The following PIK3AP1 variants were observed in gnomAD, a reference collection of about 807,000 sequenced individuals.
The protein encoded by PIK3AP1 is phosphoinositide-3-kinase adaptor protein 1.
PIK3AP1 carries 21 observed loss-of-function variants against 88.1 expected under a neutral mutation model. The ratio of observed to expected loss-of-function variants is 0.24; its 90% confidence interval spans 0.17 to 0.34. The LOEUF is 0.34. PIK3AP1 is among the 10% of genes least tolerant of loss of function. The probability of loss-of-function intolerance (pLI) is 1.00; values close to 1 mark genes in which losing one functional copy is unlikely to be tolerated. For synonymous variants in PIK3AP1, 398 were observed against 400.0 expected, an observed-to-expected ratio of 1.00 and a Z score of 0.06; for missense variants, 828 against 1,035.7, an observed-to-expected ratio of 0.80 and a Z score of 2.75.
At chr10:96,616,982 T>C (rs561511745) in intron 12 of PIK3AP1, among the ~76,000 whole-genome samples, 21 of 152,302 alleles carry the variant, frequency 1.4e-4, no homozygotes, top group Non-Finnish European at 2.4e-4. Flanking sequence ...ACCCCTCTCA[T>C]GTATGCCTCT....
intron 2 of PIK3AP1, among the ~76,000 whole-genome samples, chr10:96,663,019 T>C (rs568511739): frequency 2.0e-5 from 3 of 151,672 alleles, no homozygotes; most frequent in South Asian, 4.2e-4. Context: ...GAAAACATTA[T>C]GCTAAGTGAA....
intron 10 of PIK3AP1, 102 bp downstream of exon 10, chr10:96,626,606 G>T: frequency 8.0e-7 from 1 of 1,250,090 alleles, no homozygotes; most frequent in Admixed American, 2.2e-5. Flanking sequence ...CATTTAGAAG[G>T]GGATAGTCTC....
At chr10:96,665,098 A>T (rs1401553556) in intron 2 of PIK3AP1, among the ~76,000 whole-genome samples, 1 of 151,014 alleles carries the variant, frequency 6.6e-6, no homozygotes, top group Non-Finnish European at 1.5e-5. Flanking sequence ...AACCCCAGGG[A>T]TCCTCCTCAG....
intron 1 of PIK3AP1, among the ~76,000 whole-genome samples, chr10:96,719,728 A>G (rs1038658739): frequency 6.6e-6 from 1 of 152,234 alleles, no homozygotes; most frequent in Non-Finnish European, 1.5e-5. Flanking sequence ...AAGACCAGCC[A>G]GAAAAGACGC....
chr10:96,664,962 G>A (rs1346632799), intron 2 of PIK3AP1, among the ~76,000 whole-genome samples: 1 of 152,136 alleles, frequency 6.6e-6, no homozygotes, highest in Non-Finnish European at 1.5e-5. Context: ...CTGACAGAGT[G>A]GGGTGGTCTC....
chr10:96,615,598 A>G (rs1468324834), intron 13 of PIK3AP1, among the ~76,000 whole-genome samples: 1 of 152,168 alleles, frequency 6.6e-6, no homozygotes, highest in East Asian at 1.9e-4. Flanking sequence ...GAAGTGCCAG[A>G]TGAATGGAAG....
At chr10:96,629,930 A>AAGAAGAAG (rs1554955594) in intron 8 of PIK3AP1, among the ~76,000 whole-genome samples, 3 of 13,722 alleles carry the variant, frequency 2.2e-4, no homozygotes, top group African/African-American at 5.5e-4. Flanking sequence ...AAAAAAAAAA[A>AAGAAGAAG]AAGAAGAAGA....
intron 14 of PIK3AP1, among the ~76,000 whole-genome samples, chr10:96,607,561 A>C (rs1001998170): frequency 6.6e-6 from 1 of 152,002 alleles, no homozygotes; most frequent in Non-Finnish European, 1.5e-5. Context: ...GCCACACTCT[A>C]GCTTAGCCAT....
chr10:96,597,260 TTC>T (rs1170894510), intron 16 of PIK3AP1, among the ~76,000 whole-genome samples: 1 of 139,832 alleles, frequency 7.2e-6, no homozygotes, highest in East Asian at 2.1e-4. Context: ...CTTTTTTTCT[TTC>T]TTTCTTTCTT....
At chr10:96,713,224 G>A (rs191815179) in intron 1 of PIK3AP1, among the ~76,000 whole-genome samples, 68 of 152,076 alleles carry the variant, frequency 4.5e-4, no homozygotes, top group African/African-American at 1.3e-3. Flanking sequence ...TAGGCCAGGC[G>A]CGGTGGGTCA....
At chr10:96,597,367 TCTCTCTC>T (rs1379373894) in intron 16 of PIK3AP1, among the ~76,000 whole-genome samples, 14 of 119,686 alleles carry the variant, frequency 1.2e-4, no homozygotes, top group South Asian at 2.9e-4. Flanking sequence ...TCTCTCTCTC[TCTCTCTC>T]TCTTTCTTTC....
At chr10:96,705,510 CAATCA>C (rs968158220) in intron 2 of PIK3AP1, among the ~76,000 whole-genome samples, 8 of 151,878 alleles carry the variant, frequency 5.3e-5, no homozygotes, top group African/African-American at 1.9e-4. Flanking sequence ...AATAGCCCTA[CAATCA>C]ATAACTCCAC....
chr10:96,661,184 T>C (rs1843680691), intron 2 of PIK3AP1, among the ~76,000 whole-genome samples: 1 of 148,890 alleles, frequency 6.7e-6, no homozygotes, highest in Non-Finnish European at 1.5e-5. Context: ...CAAAACTCCA[T>C]CTAAAAAAAA....
intron 2 of PIK3AP1, among the ~76,000 whole-genome samples, chr10:96,658,753 T>A (rs1049539258): frequency 2.6e-5 from 4 of 152,032 alleles, no homozygotes; most frequent in Non-Finnish European, 5.9e-5. Context: ...CCAGAATGCC[T>A]GTTTGAATGC....
intron 11 of PIK3AP1, among the ~76,000 whole-genome samples, chr10:96,623,130 C>G (rs1436003585): frequency 6.6e-6 from 1 of 152,142 alleles, no homozygotes; most frequent in African/African-American, 2.4e-5. Context: ...TTTCCCTCCC[C>G]CTTTACCATC....
chr10:96,613,715 A>C (rs1849165301), intron 13 of PIK3AP1, among the ~76,000 whole-genome samples: 1 of 152,076 alleles, frequency 6.6e-6, no homozygotes. Context: ...CCTTGGGTGA[A>C]CCTTGCATAA....
intron 14 of PIK3AP1, among the ~76,000 whole-genome samples, chr10:96,606,699 G>A (rs955193109): frequency 6.6e-6 from 1 of 152,214 alleles, no homozygotes; most frequent in Admixed American, 6.5e-5. Context: ...GAGAAGTATC[G>A]GACAAGCATC....
Position 96,597,369 on chromosome 10 carries a change from TCTCTC to T in PIK3AP1, c.2361-1740_2361-1736del, listed in dbSNP as rs767961567. Among the ~76,000 whole-genome samples, 7 of 114,220 alleles carry T rather than the reference TCTCTC, an allele frequency of 6.1e-5. 1 individual carries two copies. Among genetic ancestry groups the T allele is most frequent in the East Asian group, 2.3e-4 (1 of 4,322 alleles). 74.9% of individuals were successfully genotyped at this position (114,220 alleles called of 152,430 possible). On this transcript the variant is annotated intron_variant, in intron 16 of 16. Transcript: ENST00000339364. ...CTCCCTCCCTCCCTCTCTCTCTCTC[TCTCTC>T]TCTTTCTTTCTTTCTTTCTTTCAAC...
intron 2 of PIK3AP1, among the ~76,000 whole-genome samples, chr10:96,658,583 C>T (rs749798050): frequency 2.6e-5 from 4 of 152,136 alleles, no homozygotes; most frequent in Non-Finnish European, 5.9e-5. Context: ...CTTCCCTAGC[C>T]ATGCAGCTTA....
Sources: gnomAD v4.1 joint callset for allele counts (sites outside exome capture counted in the v4.1 genomes callset) on GRCh38, gnomAD v4.1.1 for gene constraint, MANE v1.5 for transcripts, NCBI Gene and HGNC (gene_info 2026-07-23, HGNC 2026-07-21) for gene names.